Variants in CC2D2B observed in about 807,000 individuals in gnomAD.
The protein encoded by CC2D2B is protein CC2D2B.
CC2D2B carries 128 observed loss-of-function variants against 161.2 expected under a neutral mutation model. That is an observed-to-expected ratio of 0.79 (90% CI 0.69 to 0.92). CC2D2B has a LOEUF of 0.92. CC2D2B is among the 40% of genes least tolerant of loss of function. The pLI is 0.00. For synonymous variants in CC2D2B, 391 were observed against 449.8 expected, an observed-to-expected ratio of 0.87 and a Z score of 1.65; for missense variants, 1,173 against 1,375.1, an observed-to-expected ratio of 0.85 and a Z score of 2.32.
intron 17 of CC2D2B, 85 bp downstream of exon 17, chr10:95,974,241 G>A: frequency 1.4e-6 from 1 of 696,504 alleles, no homozygotes; most frequent in East Asian, 3.4e-5. Flanking sequence ...GAGAAAACTT[G>A]AGCAGCAATA....
intron 10 of CC2D2B, among the ~76,000 whole-genome samples, chr10:95,951,919 T>C (rs1457981993): frequency 6.6e-6 from 1 of 152,200 alleles, no homozygotes; most frequent in Non-Finnish European, 1.5e-5. Flanking sequence ...TTCTCTTATG[T>C]GAATGTAAAC....
At chr10:95,978,019 G>GT (rs890827081) in intron 17 of CC2D2B, among the ~76,000 whole-genome samples, 1 of 152,042 alleles carries the variant, frequency 6.6e-6, no homozygotes, top group Non-Finnish European at 1.5e-5. Flanking sequence ...ATACAGTACC[G>GT]TGAGTATACG....
At chr10:96,031,110 C>T (rs2080047804) in intron 34 of CC2D2B, among the ~76,000 whole-genome samples, 1 of 152,096 alleles carries the variant, frequency 6.6e-6, no homozygotes, top group Non-Finnish European at 1.5e-5. Context: ...ATGTGCCAGG[C>T]ATTATGCTGG....
chr10:95,933,275 A>G lies in CC2D2B; in HGVS notation c.337-4716A>G, dbSNP rs181233306. Reference sequence around the variant, plus strand: ...TTTAAACTGGTTGTTCCAGTTAGCAATTCCTCTAACTTTTTTTCAAGGTTC... The same window carrying G: ...TTTAAACTGGTTGTTCCAGTTAGCAGTTCCTCTAACTTTTTTTCAAGGTTC... On this transcript the variant is annotated intron_variant, in intron 6 of 34. Transcript: ENST00000646931. Among the ~76,000 whole-genome samples the G allele has an allele frequency of 2.1e-4, 32 of 151,944 alleles. No homozygotes were observed. In the East Asian group the frequency reaches 5.8e-3, roughly 28 times the overall value.
chr10:95,944,148 A>C (rs775558577), intron 9 of CC2D2B, among the ~76,000 whole-genome samples: 40 of 152,290 alleles, frequency 2.6e-4, no homozygotes, highest in Non-Finnish European at 5.6e-4. Context: ...CAGTCACTGT[A>C]TGCTTTTAGG....
At chr10:95,973,881 G>T (rs1170379635) in intron 16 of CC2D2B, 128 bp from the exon 17 acceptor site, 43 of 324,484 alleles carry the variant, frequency 1.3e-4, no homozygotes, top group Non-Finnish European at 1.7e-4. Context: ...AAAAAAAAAA[G>T]AGTGGGGTTA....
chr10:96,031,204 A>T (rs1287598662), intron 34 of CC2D2B, among the ~76,000 whole-genome samples: 3 of 152,188 alleles, frequency 2.0e-5, no homozygotes, highest in African/African-American at 7.2e-5. Flanking sequence ...GAGACCAGAA[A>T]ACAGGTAATT....
At chr10:95,954,228 T>TATACAC (rs1452339339) in intron 10 of CC2D2B, among the ~76,000 whole-genome samples, 8 of 152,164 alleles carry the variant, frequency 5.3e-5, no homozygotes, top group Admixed American at 6.6e-5. Context: ...TGTGAGTATA[T>TATACAC]ATGTGTGTGT....
intron 12 of CC2D2B, 72 bp from the exon 13 acceptor site, chr10:95,965,824 G>GT: frequency 1.9e-5 from 6 of 322,830 alleles, no homozygotes; most frequent in African/African-American, 5.1e-5. Context: ...TGTGTGTGTT[G>GT]GCAAAATCTC....
chr10:95,971,662 AAAAC>A (rs2077137272), intron 15 of CC2D2B, among the ~76,000 whole-genome samples: 1 of 152,252 alleles, frequency 6.6e-6, no homozygotes, highest in South Asian at 2.1e-4. Context: ...ACTTATAATA[AAAAC>A]AAACATATTT....
In CC2D2B at chr10:96,032,109, C is replaced by CACT; in HGVS notation, c.*101_*102insACT. 1 of 920,968 alleles carries CACT rather than the reference C, an allele frequency of 1.1e-6. No homozygotes were observed. Among genetic ancestry groups the CACT allele is most frequent in the Non-Finnish European group, 1.6e-6 (1 of 617,920 alleles). The allele number at this position is 920,968 out of a possible 1,614,324, so 57.0% of individuals were successfully genotyped here. On this transcript the variant is annotated 3_prime_UTR_variant, in exon 35 of 35. Coordinates refer to ENST00000646931, the MANE Select transcript of CC2D2B (RefSeq NM_001349008.3). ...TTTTGCTGTTTATTCTCAAGTCCAG[C>CACT]TAAGTGCTGGGCCCAATTTTTGATT...
intron 17 of CC2D2B, 26 bp from the exon 18 acceptor site, chr10:95,981,949 T>C: frequency 1.7e-6 from 2 of 1,172,082 alleles, no homozygotes; most frequent in Non-Finnish European, 2.1e-6. Context: ...TGTATGCAAG[T>C]TCACAAAATA....
At chr10:96,009,367 T>C (rs1019022087) in intron 25 of CC2D2B, among the ~76,000 whole-genome samples, 6 of 152,180 alleles carry the variant, frequency 3.9e-5, no homozygotes, top group African/African-American at 1.4e-4. Flanking sequence ...TTTGGATTGA[T>C]GGAATACTTT....
At chr10:95,911,618 C>G (rs543789831) in intron 2 of CC2D2B, among the ~76,000 whole-genome samples, 22 of 152,212 alleles carry the variant, frequency 1.4e-4, no homozygotes, top group Middle Eastern at 3.4e-3. Flanking sequence ...TGTTCTCTCA[C>G]CTAGCCAACA....
intron 19 of CC2D2B, chr10:95,984,503 A>G (rs943435498): frequency 3.3e-5 from 5 of 152,232 alleles, no homozygotes; most frequent in Admixed American, 1.3e-4. Flanking sequence ...AGCCAAAAAT[A>G]AAATAAATAA....
intron 22 of CC2D2B, among the ~76,000 whole-genome samples, chr10:95,994,380 C>T (rs1316845102): frequency 6.6e-6 from 1 of 152,072 alleles, no homozygotes; most frequent in African/African-American, 2.4e-5. Flanking sequence ...TTTCTTCTAC[C>T]GCTATCTTCT....
intron 10 of CC2D2B, among the ~76,000 whole-genome samples, chr10:95,951,782 G>A (rs2076409163): frequency 6.6e-6 from 1 of 152,028 alleles, no homozygotes; most frequent in African/African-American, 2.4e-5. Context: ...TATTTTTCAT[G>A]TATATGCATG....
chr10:95,942,891 A>G (rs1260958122), intron 9 of CC2D2B, among the ~76,000 whole-genome samples: 5 of 152,096 alleles, frequency 3.3e-5, no homozygotes, highest in Non-Finnish European at 7.4e-5. Flanking sequence ...AACTTTTATA[A>G]AAAGGCTCAG....
intron 26 of CC2D2B, among the ~76,000 whole-genome samples, chr10:96,011,500 C>T (rs1287952621): frequency 3.3e-5 from 5 of 152,174 alleles, no homozygotes; most frequent in Non-Finnish European, 7.4e-5. Context: ...CTATATCAAG[C>T]ACTTGGCACA....
Sources: allele counts gnomAD v4.1 joint callset (sites outside exome capture counted in the v4.1 genomes callset), GRCh38; gene constraint gnomAD v4.1.1; transcripts MANE v1.5; gene names NCBI Gene and HGNC (gene_info 2026-07-23, HGNC 2026-07-21).